The following ADGRV1 variants were observed in gnomAD, a reference collection of about 807,000 sequenced individuals.
The protein encoded by ADGRV1 is adhesion G protein-coupled receptor V1.
In ADGRV1, 359 loss-of-function variants were observed where a neutral mutation model predicts 596.2. The observed-to-expected ratio is 0.60, with a 90% confidence interval of 0.55 to 0.66. The LOEUF (loss-of-function observed/expected upper bound fraction) is 0.66. Among genes scored for constraint, ADGRV1 ranks in the 30% least tolerant of loss-of-function variants. The pLI is 0.00. For synonymous variants in ADGRV1, 2,681 were observed against 2,679.2 expected, an observed-to-expected ratio of 1.00 and a Z score of -0.02; for missense variants, 7,274 against 7,575.6, an observed-to-expected ratio of 0.96 and a Z score of 1.48.
chr5:90,769,368 T>A (rs1015943953), intron 59 of ADGRV1, among the ~76,000 whole-genome samples: 1 of 152,210 alleles, frequency 6.6e-6, no homozygotes, highest in African/African-American at 2.4e-5. Flanking sequence ...CCCTATTATG[T>A]CTTTCCTCTC....
chr5:90,801,850 T>C (rs962737126), intron 70 of ADGRV1, among the ~76,000 whole-genome samples: 1 of 152,236 alleles, frequency 6.6e-6, no homozygotes, highest in African/African-American at 2.4e-5. Flanking sequence ...ACTTTTTGCA[T>C]AACATCAATA....
chr5:90,770,107 A>G (rs542694728), intron 59 of ADGRV1, among the ~76,000 whole-genome samples: 26 of 152,332 alleles, frequency 1.7e-4, no homozygotes, highest in Non-Finnish European at 2.9e-4. Context: ...TAATTTATAA[A>G]GGAAAGGAGG....
chr5:91,055,702 G>T (rs1228811956), intron 85 of ADGRV1, among the ~76,000 whole-genome samples: 1 of 152,142 alleles, frequency 6.6e-6, no homozygotes. Flanking sequence ...ACTTCAGAAT[G>T]ACCCAGACAG....
At chr5:90,686,153 C>T (rs1345831975) in intron 29 of ADGRV1, among the ~76,000 whole-genome samples, 158 bp downstream of exon 29, 1 of 142,108 alleles carries the variant, frequency 7.0e-6, no homozygotes, top group Non-Finnish European at 1.5e-5. Context: ...AATCTAGAGT[C>T]TTTTTTTTTG....
chr5:90,943,998 A>AT (rs1776373699), intron 83 of ADGRV1, among the ~76,000 whole-genome samples: 1 of 152,074 alleles, frequency 6.6e-6, no homozygotes, highest in East Asian at 1.9e-4. Flanking sequence ...CCCTTTTTAA[A>AT]TTATCTTTAT....
intron 83 of ADGRV1, among the ~76,000 whole-genome samples, chr5:90,952,217 C>T (rs1041224284): frequency 6.6e-6 from 1 of 152,136 alleles, no homozygotes; most frequent in Non-Finnish European, 1.5e-5. Context: ...GCTGCTACCA[C>T]CTCCACCTCC....
intron 83 of ADGRV1, among the ~76,000 whole-genome samples, chr5:90,893,176 A>G (rs1400342078): frequency 1.3e-5 from 2 of 152,160 alleles, no homozygotes; most frequent in Non-Finnish European, 2.9e-5. Context: ...GTCTGTTTCC[A>G]AGATGACTGA....
Position 90,642,525 on chromosome 5 carries a change from A to G in ADGRV1, c.2241-111A>G, listed in dbSNP as rs1161567047. 5.2e-6 allele frequency: 6 copies of G among 1,143,148 alleles called. No homozygotes were observed. The East Asian group carries it at 1.4e-4, about 27-fold the overall frequency. The allele number at this position is 1,143,148 out of a possible 1,614,324, so 70.8% of individuals were successfully genotyped here. ...ATTCACTTAAGGTCTAATTCCTCAT[A>G]GCCTTCCTTTTCATTATCTGGAAGA... On this transcript the variant is annotated intron_variant, in intron 11 of 89. Coordinates refer to ENST00000405460, the MANE Select transcript of ADGRV1 (RefSeq NM_032119.4).
chr5:90,742,003 A>G (rs1754019436), intron 50 of ADGRV1, among the ~76,000 whole-genome samples: 1 of 152,218 alleles, frequency 6.6e-6, no homozygotes, highest in Non-Finnish European at 1.5e-5. Flanking sequence ...GACAAAGACT[A>G]CAAGGACATA....
At chr5:90,994,466 T>C (rs571125915) in intron 85 of ADGRV1, among the ~76,000 whole-genome samples, 46 of 152,340 alleles carry the variant, frequency 3.0e-4, no homozygotes, top group Non-Finnish European at 5.1e-4. Flanking sequence ...ATATGCTCAT[T>C]TAGTTATATA....
At chr5:91,022,212 T>G (rs1001171783) in intron 85 of ADGRV1, among the ~76,000 whole-genome samples, 2 of 152,122 alleles carry the variant, frequency 1.3e-5, no homozygotes, top group East Asian at 1.9e-4. Context: ...CGGATTCGAT[T>G]GTAGCAGATT....
intron 5 of ADGRV1, among the ~76,000 whole-genome samples, chr5:90,623,200 C>CT (rs1458775796): frequency 6.6e-6 from 1 of 152,038 alleles, no homozygotes. Flanking sequence ...AAATGTTTTC[C>CT]TTGCTGCTTG....
At chr5:90,585,242 G>A (rs934559378) in intron 1 of ADGRV1, among the ~76,000 whole-genome samples, 4 of 152,072 alleles carry the variant, frequency 2.6e-5, no homozygotes, top group Non-Finnish European at 4.4e-5. Flanking sequence ...AAAATTCAAG[G>A]GTAAAATCTG....
At chr5:90,663,001 C>A (rs1304731969) in intron 21 of ADGRV1, among the ~76,000 whole-genome samples, 3 of 149,100 alleles carry the variant, frequency 2.0e-5, no homozygotes, top group Non-Finnish European at 4.4e-5. Flanking sequence ...TTTCTTAATC[C>A]AGTCTATCAT....
At chr5:90,813,132 CAAAAA>C (rs5869522) in intron 74 of ADGRV1, among the ~76,000 whole-genome samples, 32 of 34,912 alleles carry the variant, frequency 9.2e-4, no homozygotes, top group South Asian at 8.0e-3. Context: ...GACTCCGTCT[CAAAAA>C]AAAAAAAAAA....
Position 90,667,065 on chromosome 5 carries a change from T to G in ADGRV1, c.4753-5481T>G, listed in dbSNP as rs1205371123. On this transcript the variant is annotated intron_variant, in intron 21 of 89. Transcript: ENST00000405460. ...AATATTTTTTCCTTCATTTCAACTTTGGTGAAACTGACAATTATGTGTCTT... is the reference window on the plus strand; with the variant it reads ...AATATTTTTTCCTTCATTTCAACTTGGGTGAAACTGACAATTATGTGTCTT... Among the ~76,000 whole-genome samples, 7 of 151,948 alleles carry G rather than the reference T, an allele frequency of 4.6e-5. No homozygotes were observed. In the South Asian group the frequency reaches 1.0e-3, roughly 23 times the overall value.
chr5:90,666,322 G>A (rs542306276), intron 21 of ADGRV1, among the ~76,000 whole-genome samples: 97 of 152,174 alleles, frequency 6.4e-4, no homozygotes, highest in African/African-American at 2.3e-3. Flanking sequence ...TATATATTTA[G>A]GCTAGTTAGC....
intron 1 of ADGRV1, among the ~76,000 whole-genome samples, chr5:90,592,349 A>G (rs1361019519): frequency 2.6e-5 from 4 of 152,234 alleles, no homozygotes; most frequent in Non-Finnish European, 5.9e-5. Context: ...TTCTAAGAGA[A>G]GTAACTCAGG....
intron 85 of ADGRV1, among the ~76,000 whole-genome samples, chr5:90,993,518 TG>T (rs1781146804): frequency 6.6e-6 from 1 of 152,192 alleles, no homozygotes; most frequent in Non-Finnish European, 1.5e-5. Flanking sequence ...ACTTGTCTAA[TG>T]TTTTTTTCAA....
Sources: gnomAD v4.1 joint callset for allele counts (sites outside exome capture counted in the v4.1 genomes callset) on GRCh38, gnomAD v4.1.1 for gene constraint, MANE v1.5 for transcripts, NCBI Gene and HGNC (gene_info 2026-07-23, HGNC 2026-07-21) for gene names.